The following KIDINS220 variants were observed in gnomAD, a reference collection of about 807,000 sequenced individuals.
The protein encoded by KIDINS220 is kinase D interacting substrate 220.
KIDINS220 carries 63 observed loss-of-function variants against 157.6 expected under a neutral mutation model. That is an observed-to-expected ratio of 0.40 (90% CI 0.33 to 0.49). KIDINS220 has a LOEUF of 0.49. Ranked by LOEUF, KIDINS220 falls within the 20% of genes least tolerant of loss-of-function variation. The probability of loss-of-function intolerance (pLI) is 0.66; values close to 1 mark genes in which losing one functional copy is unlikely to be tolerated. For synonymous variants in KIDINS220, 732 were observed against 783.6 expected (o/e 0.93, Z 1.10); for missense variants, 1,772 against 2,171.2 (o/e 0.82, Z 3.65).
chr2:8,782,936 G>A (rs1189629513), intron 17 of KIDINS220, among the ~76,000 whole-genome samples: 2 of 152,166 alleles, frequency 1.3e-5, no homozygotes. Flanking sequence ...GCTCATGCCT[G>A]TAATCCCAGC....
intron 26 of KIDINS220, among the ~76,000 whole-genome samples, chr2:8,746,013 G>A (rs1053255530): frequency 2.0e-5 from 3 of 149,690 alleles, no homozygotes; most frequent in Non-Finnish European, 3.0e-5. Context: ...TTTTTGAGAC[G>A]GAGTCTTGCT....
intron 29 of KIDINS220, among the ~76,000 whole-genome samples, chr2:8,732,850 T>A (rs1356581581): frequency 6.6e-6 from 1 of 152,150 alleles, no homozygotes. Flanking sequence ...GCTCTGCTTT[T>A]CCTCCTGCGC....
chr2:8,747,269 G>T, intron 25 of KIDINS220, 68 bp from the exon 26 acceptor site: 2 of 1,299,334 alleles, frequency 1.5e-6, no homozygotes, highest in South Asian at 1.2e-5. Context: ...GAAGACAAAT[G>T]AACATGATGG....
At position 8,744,382 on chromosome 2, in the gene KIDINS220, AAAAAAAATATATATATATAATATATATAT is replaced by A. The variant is rs1217104694; in HGVS notation, c.3585+2734_3585+2762del. On this transcript the variant is annotated intron_variant, in intron 26 of 29. Coordinates refer to ENST00000256707, the MANE Select transcript of KIDINS220 (RefSeq NM_020738.4). ...TCATGGCAAAAAAAAAAAAAAAAAA[AAAAAAAATATATATATATAATATATATAT>A]ATATATATATATATATATATATATA... Among the ~76,000 whole-genome samples the A allele has an allele frequency of 2.7e-3, 76 of 28,670 alleles. 2 individuals carry two copies. Among genetic ancestry groups the A allele is most frequent in the Middle Eastern group, 0.05 (1 of 20 alleles). 18.8% of individuals were successfully genotyped at this position (28,670 alleles called of 152,430 possible).
rs746089922 is a variant in KIDINS220 at position 8,731,631 on chromosome 2, C to T, written c.4405G>A (p.Asp1469Asn). ...GTGATAGGATCCAGGGGGGAAGCATCGTTGGTGGAAACCCCTGATGATGAA... is the reference window on the plus strand; with the variant it reads ...GTGATAGGATCCAGGGGGGAAGCATTGTTGGTGGAAACCCCTGATGATGAA... ...DYSSSGVSTN[D>N]ASPLDPITEE... Residue 1469 changes from aspartate (D) to asparagine (N), a missense_variant, in exon 30 of 30, where the codon GAT becomes AAT. By Grantham distance (23) the Asp-to-Asn change is conservative. Around this residue, in one of 3 missense-constraint regions of KIDINS220, gnomAD observed 793 missense variants for 885.5 expected, o/e 0.90. Coordinates refer to ENST00000256707, the MANE Select transcript of KIDINS220 (RefSeq NM_020738.4). The surrounding 1 kb of genome is among the most constrained non-coding windows in gnomAD (Gnocchi z 5.2). 6.2e-7 allele frequency: 1 copy of T among 1,614,178 alleles called. No homozygotes were observed. The highest frequency in any genetic ancestry group is 2.2e-5 in the East Asian group (1 of 44,888).
chr2:8,751,697 A>C (rs1218374429), intron 22 of KIDINS220, 53 bp from the exon 23 acceptor site: 13 of 1,268,122 alleles, frequency 1.0e-5, no homozygotes, highest in Middle Eastern at 2.3e-4. Context: ...TTAGAAAGGT[A>C]AATTCTGCAT....
At chr2:8,821,985 C>T (rs756094483) in intron 2 of KIDINS220, among the ~76,000 whole-genome samples, 8 of 152,216 alleles carry the variant, frequency 5.3e-5, no homozygotes, top group Non-Finnish European at 1.2e-4. Context: ...CCATGCCTAT[C>T]TCCTTCTAGA....
At chr2:8,745,993 C>CT (rs530252729) in intron 26 of KIDINS220, among the ~76,000 whole-genome samples, 3,016 of 139,682 alleles carry the variant, frequency 0.022, 42 homozygotes, top group East Asian at 0.069. Context: ...AAACTGGGTT[C>CT]TTTTTTTTTT....
chr2:8,757,541 C>A (rs1045126356), intron 22 of KIDINS220: 19 of 1,462,764 alleles, frequency 1.3e-5, no homozygotes, highest in Non-Finnish European at 1.4e-5. Context: ...TTCAACTACC[C>A]ATTCCGTTGT....
chr2:8,778,773 T>C (rs1265882167), intron 19 of KIDINS220, 46 bp from the exon 20 acceptor site: 4 of 1,592,166 alleles, frequency 2.5e-6, no homozygotes, highest in Admixed American at 1.7e-5. Flanking sequence ...AAAATTCTGT[T>C]GTATATGATA....
intron 1 of KIDINS220, among the ~76,000 whole-genome samples, chr2:8,832,872 C>T (rs1314517813): frequency 6.6e-6 from 1 of 152,068 alleles, no homozygotes; most frequent in Non-Finnish European, 1.5e-5. Flanking sequence ...TATATCATCC[C>T]AGGCTAGTTT....
intron 3 of KIDINS220, among the ~76,000 whole-genome samples, chr2:8,818,410 G>A (rs1157701862): frequency 6.6e-6 from 1 of 152,006 alleles, no homozygotes; most frequent in African/African-American, 2.4e-5. Context: ...TACTTAACAT[G>A]ACTCGTATGT....
In KIDINS220 at chr2:8,770,710, C is replaced by T. The variant is rs766686877; in HGVS notation, c.2971G>A (p.Gly991Ser). Residue 991 changes from glycine to serine, a missense_variant, in exon 22 of 30, where the codon GGT becomes AGT. This residue lies in a region of KIDINS220 where 725 missense variants were observed against 1,017.1 expected (regional missense o/e 0.71). Coordinates refer to ENST00000256707, the MANE Select transcript of KIDINS220 (RefSeq NM_020738.4). ...WLILYLEETEGIPDQMTLKTI... is the reference protein window; with the variant it reads ...WLILYLEETESIPDQMTLKTI... ...TTTAATGTCATTTGATCTGGAATAC[C>T]TTCAGTCTCTTCCAAATATAATATG... The T allele has an allele frequency of 7.6e-5, 123 of 1,608,106 alleles. No individual in the cohort carries two copies. The East Asian group carries it at 2.7e-3, about 35-fold the overall frequency.
At chr2:8,810,787 A>C (rs915184667) in intron 6 of KIDINS220, among the ~76,000 whole-genome samples, 4 of 152,146 alleles carry the variant, frequency 2.6e-5, no homozygotes, top group Non-Finnish European at 5.9e-5. Flanking sequence ...CTCTGTCAAA[A>C]AAAAACAAAA....
chr2:8,727,105 C>T, downstream of KIDINS220: 1 of 1,044,828 alleles, frequency 9.6e-7, no homozygotes, highest in Non-Finnish European at 1.2e-6. Flanking sequence ...ATAATTATGG[C>T]CTATGCTTAG....
intron 1 of KIDINS220, among the ~76,000 whole-genome samples, chr2:8,835,553 C>A (rs1306185786): frequency 6.6e-6 from 1 of 151,618 alleles, no homozygotes; most frequent in African/African-American, 2.4e-5. Flanking sequence ...AGAGACTCCT[C>A]CTAAGTAAGA....
At chr2:8,773,825 C>T (rs72786342) in intron 21 of KIDINS220, among the ~76,000 whole-genome samples, 8,841 of 152,198 alleles carry the variant, frequency 0.058, 348 homozygotes, top group Middle Eastern at 0.16. Flanking sequence ...CCCCAAAGTG[C>T]AACCACACTG....
chr2:8,731,969 C>T lies in KIDINS220; in HGVS notation c.4067G>A (p.Arg1356Lys). The T allele has an allele frequency of 6.3e-7, 1 of 1,574,966 alleles. No homozygotes were observed. The highest frequency in any genetic ancestry group is 8.6e-7 in the Non-Finnish European group (1 of 1,162,614). The change falls in exon 30 of 30, where the codon AGA becomes AAA. Residue 1356 changes from arginine to lysine, a missense_variant. Around this residue, in one of 3 missense-constraint regions of KIDINS220, gnomAD observed 793 missense variants for 885.5 expected, o/e 0.90. Transcript: ENST00000256707. This position sits in a 1 kb window ranked among gnomAD's most constrained non-coding sequence, Gnocchi z 5.2. Reference sequence around the variant, plus strand: ...ATTGAGACTCGAAAGACTTGGGGTTCTGCGAGTTTGTGACTGTGAAGACAG... The same window carrying T: ...ATTGAGACTCGAAAGACTTGGGGTTTTGCGAGTTTGTGACTGTGAAGACAG... ...SNLSWQSQTR[R>K]TPSLSSLNSQ... is the part of the protein sequence containing the mutation.
chr2:8,727,221 C>G, downstream of KIDINS220: 3 of 1,126,136 alleles, frequency 2.7e-6, 1 homozygote, highest in South Asian at 6.3e-5. Flanking sequence ...CGCAAAAGAA[C>G]AGTATCCCCA....
Sources: gnomAD v4.1 joint callset for allele counts (sites outside exome capture counted in the v4.1 genomes callset) on GRCh38, gnomAD v4.1.1 for gene constraint, gnomAD v4.1.1 regional missense constraint, Gnocchi (gnomAD v3.1) non-coding constraint, MANE v1.5 for transcripts, NCBI Gene and HGNC (gene_info 2026-07-23, HGNC 2026-07-21) for gene names.